The following PRKCE variants were observed in gnomAD, a reference collection of about 807,000 sequenced individuals.
PRKCE encodes the protein protein kinase C epsilon type.
Under a neutral mutation model 85.4 loss-of-function variants are expected in PRKCE, and 16 were observed. The observed-to-expected ratio is 0.19, with a 90% CI of 0.13 to 0.28. PRKCE has a LOEUF of 0.28. Ranked by LOEUF, PRKCE falls within the 10% of genes least tolerant of loss-of-function variation. PRKCE has a pLI of 1.00. For synonymous variants in PRKCE, 388 were observed against 371.5 expected (o/e 1.04, Z -0.51); for missense variants, 573 against 975.2 (o/e 0.59, Z 5.49).
At chr2:45,869,545 A>G (rs11125039) in intron 2 of PRKCE, among the ~76,000 whole-genome samples, 43,024 of 151,888 alleles carry the variant, frequency 0.28, 6,483 homozygotes, top group South Asian at 0.46. Context: ...TAGCAACCCT[A>G]TGTGAGGTAG....
intron 10 of PRKCE, among the ~76,000 whole-genome samples, chr2:46,011,693 G>C (rs1268300564): frequency 2.6e-5 from 4 of 152,126 alleles, no homozygotes; most frequent in Non-Finnish European, 4.4e-5. Flanking sequence ...GAGGAGACCT[G>C]CAATGAAAAC....
chr2:46,137,874 A>T (rs749275004), intron 11 of PRKCE, among the ~76,000 whole-genome samples: 1 of 152,126 alleles, frequency 6.6e-6, no homozygotes, highest in East Asian at 1.9e-4. Context: ...TTCTTTGCAT[A>T]CCAGTTCTCC....
chr2:45,930,663 G>A (rs1698976528), intron 2 of PRKCE, among the ~76,000 whole-genome samples: 1 of 152,202 alleles, frequency 6.6e-6, no homozygotes, highest in Middle Eastern at 3.2e-3. Flanking sequence ...ACCATCGCTT[G>A]CATGATTTAT....
intron 10 of PRKCE, among the ~76,000 whole-genome samples, chr2:46,063,998 C>T (rs2103648790): frequency 6.6e-6 from 1 of 152,180 alleles, no homozygotes; most frequent in East Asian, 1.9e-4. Flanking sequence ...AAATGGTTAA[C>T]TGGTCGGGCA....
rs1194353901 is a variant in PRKCE at position 46,068,061 on chromosome 2, C to T, written c.1438-18147C>T. Among the ~76,000 whole-genome samples the T allele has an allele frequency of 3.9e-5, 6 of 152,104 alleles. No individual in the cohort carries two copies. Among genetic ancestry groups the T allele is most frequent in the African/African-American group, 1.2e-4 (5 of 41,422 alleles). ...GTCAGAAGGCAATGGAAACATCTTT[C>T]GTTTTCATTGTTCAGAGAGAGACTG... On this transcript the variant is annotated intron_variant, in intron 10 of 14. Transcript: ENST00000306156. The surrounding 1 kb of genome is among the most constrained non-coding windows in gnomAD (Gnocchi z 4.3).
intron 1 of PRKCE, among the ~76,000 whole-genome samples, chr2:45,667,058 C>T (rs986225508): frequency 3.3e-5 from 5 of 151,842 alleles, no homozygotes; most frequent in Admixed American, 6.5e-5. Flanking sequence ...TGCCTGTAAT[C>T]CCAGCACTTT....
chr2:45,868,979 A>G (rs1693858099), intron 2 of PRKCE, among the ~76,000 whole-genome samples: 2 of 151,424 alleles, frequency 1.3e-5, no homozygotes, highest in Non-Finnish European at 2.9e-5. Flanking sequence ...AAAAAGAAAA[A>G]AGAAAGAAAA....
chr2:46,150,817 A>G (rs948515547), intron 12 of PRKCE, among the ~76,000 whole-genome samples: 4 of 152,222 alleles, frequency 2.6e-5, no homozygotes, highest in African/African-American at 7.2e-5. Flanking sequence ...CCACTGGAAG[A>G]CAGACTGTCG....
chr2:45,919,111 C>A (rs1159166941), intron 2 of PRKCE, among the ~76,000 whole-genome samples: 2 of 152,086 alleles, frequency 1.3e-5, no homozygotes, highest in African/African-American at 4.8e-5. Context: ...ACAGCTGGTT[C>A]CACTTGAATT....
intron 12 of PRKCE, among the ~76,000 whole-genome samples, chr2:46,147,687 T>C (rs1195474939): frequency 1.3e-5 from 2 of 152,194 alleles, no homozygotes; most frequent in Non-Finnish European, 1.5e-5. Flanking sequence ...ACTGGGAAGA[T>C]TAAATGAGAT....
chr2:46,022,380 C>T (rs1233443520), intron 10 of PRKCE, among the ~76,000 whole-genome samples: 1 of 152,150 alleles, frequency 6.6e-6, no homozygotes, highest in African/African-American at 2.4e-5. Flanking sequence ...TACAGGTTTA[C>T]CTGTTGCTAA....
rs1686638461 is a variant in PRKCE, at chr2:45,786,861, CA to C, written c.349-56138del. ...ACAGCTGAAGTAACTTGCACAAAAT[CA>C]CATGGCAATAGTAGAGATGCGATTC... is the stretch of plus-strand genomic sequence containing the variant. On this transcript the variant is annotated intron_variant, in intron 1 of 14. Transcript: ENST00000306156. The surrounding 1 kb of genome is among the most constrained non-coding windows in gnomAD (Gnocchi z 5.3). Among the ~76,000 whole-genome samples the C allele has an allele frequency of 6.6e-6, 1 of 152,230 alleles. No individual in the cohort carries two copies. Among genetic ancestry groups the C allele is most frequent in the Admixed American group, 6.5e-5 (1 of 15,294 alleles).
rs1676029218 is a variant in PRKCE, at chr2:46,145,956, C to G, written c.1731+725C>G. On this transcript the variant is annotated intron_variant, in intron 12 of 14. Transcript: ENST00000306156. This position sits in a 1 kb window ranked among gnomAD's most constrained non-coding sequence, Gnocchi z 4.6. ...CACTTTATCAGCTACAATTTGCTAA[C>G]AGTAAAACTAGGAACTGTTTGCTAT... Among the ~76,000 whole-genome samples, 2 of 152,182 alleles carry G rather than the reference C, an allele frequency of 1.3e-5. No homozygotes were observed. Among genetic ancestry groups the G allele is most frequent in the South Asian group, 4.1e-4 (2 of 4,826 alleles).
At chr2:45,722,739 A>G (rs1282973680) in intron 1 of PRKCE, among the ~76,000 whole-genome samples, 1 of 152,208 alleles carries the variant, frequency 6.6e-6, no homozygotes, top group Non-Finnish European at 1.5e-5. Flanking sequence ...CTCACCTTGT[A>G]TATGTAACAA....
At chr2:45,788,757 C>T (rs2105071201) in intron 1 of PRKCE, among the ~76,000 whole-genome samples, 1 of 152,288 alleles carries the variant, frequency 6.6e-6, no homozygotes, top group Non-Finnish European at 1.5e-5. Flanking sequence ...TTATTACTTA[C>T]TTTCTGTCTA....
chr2:46,184,682 C>A lies in PRKCE; in HGVS notation c.2068-53C>A, dbSNP rs941753321. On this transcript the variant is annotated intron_variant, in intron 14 of 14. Transcript: ENST00000306156. This position sits in a 1 kb window ranked among gnomAD's most constrained non-coding sequence, Gnocchi z 5.0. ...TGCGGTGCCCACTCCCCATGGGGGG[C>A]CCTCAGGAGGGAGAGCAGCCTCAAC... 2 of 1,581,224 alleles carry A rather than the reference C, an allele frequency of 1.3e-6. No homozygotes were observed. The highest frequency in any genetic ancestry group is 1.7e-6 in the Non-Finnish European group (2 of 1,171,028).
intron 1 of PRKCE, among the ~76,000 whole-genome samples, chr2:45,679,250 A>G (rs1386199709): frequency 6.6e-6 from 1 of 152,216 alleles, no homozygotes. Context: ...ACACGAAACT[A>G]CAGGCACACA....
chr2:46,073,096 C>T (rs915882737), intron 10 of PRKCE, among the ~76,000 whole-genome samples: 2 of 152,196 alleles, frequency 1.3e-5, no homozygotes, highest in Non-Finnish European at 2.9e-5. Context: ...GGGTTCTAAA[C>T]GTCCACCAGC....
At chr2:46,088,756 G>A (rs993082515) in intron 11 of PRKCE, among the ~76,000 whole-genome samples, 2 of 152,078 alleles carry the variant, frequency 1.3e-5, no homozygotes, top group East Asian at 1.9e-4. Context: ...GAAGAAAAAC[G>A]CCATTTCTTG....
Sources: gnomAD v4.1 joint callset for allele counts (sites outside exome capture counted in the v4.1 genomes callset) on GRCh38, gnomAD v4.1.1 for gene constraint, Gnocchi (gnomAD v3.1) non-coding constraint, MANE v1.5 for transcripts, NCBI Gene and HGNC (gene_info 2026-07-23, HGNC 2026-07-21) for gene names.